FOXO3: variants seen among roughly 807,000 people sequenced by gnomAD.
FOXO3 encodes forkhead box O3.
FOXO3 carries 4 observed loss-of-function variants against 41.9 expected under a neutral mutation model. The ratio of observed to expected loss-of-function variants is 0.10; its 90% confidence interval spans 0.05 to 0.22. The LOEUF is 0.22. Ranked by LOEUF, FOXO3 falls within the 10% of genes least tolerant of loss-of-function variation. The pLI is 1.00. For synonymous variants in FOXO3, 318 were observed against 389.3 expected (o/e 0.82, Z 2.16); for missense variants, 534 against 906.8 (o/e 0.59, Z 5.28).
chr6:108,651,493 C>T (rs774147002), intron 1 of FOXO3, among the ~76,000 whole-genome samples: 2 of 152,204 alleles, frequency 1.3e-5, no homozygotes, highest in African/African-American at 2.4e-5. Flanking sequence ...AAAAAGAAAT[C>T]AGTTGCTCTT....
intron 1 of FOXO3, among the ~76,000 whole-genome samples, chr6:108,640,903 C>T (rs564271474): frequency 1.3e-5 from 2 of 152,178 alleles, no homozygotes; most frequent in Admixed American, 1.3e-4. Context: ...GATTTGGAAA[C>T]TCAGTATTTC....
intron 1 of FOXO3, among the ~76,000 whole-genome samples, chr6:108,661,459 A>G (rs1399992123): frequency 6.6e-6 from 1 of 152,192 alleles, no homozygotes; most frequent in African/African-American, 2.4e-5. Flanking sequence ...GATGTGGAGC[A>G]TACAGATTCA....
At chr6:108,562,078 C>A (rs1258232927) in intron 1 of FOXO3, among the ~76,000 whole-genome samples, 1 of 151,954 alleles carries the variant, frequency 6.6e-6, no homozygotes, top group African/African-American at 2.4e-5. Flanking sequence ...GGGCAGGGGA[C>A]GCCGGCGAGG....
intron 1 of FOXO3, among the ~76,000 whole-genome samples, chr6:108,630,774 G>A (rs1777949019): frequency 6.6e-6 from 1 of 152,014 alleles, no homozygotes; most frequent in South Asian, 2.1e-4. Context: ...TTAAAAAAAA[G>A]CTTTTTAAGG....
At chr6:108,572,063 C>G (rs1189376825) in intron 1 of FOXO3, among the ~76,000 whole-genome samples, 1 of 152,186 alleles carries the variant, frequency 6.6e-6, no homozygotes, top group Non-Finnish European at 1.5e-5. Context: ...AAGGTGTGTC[C>G]TTCCCCCTAG....
chr6:108,616,156 G>GTTTTTTTTTT lies in FOXO3; in HGVS notation c.622-47282_622-47273dup, dbSNP rs35632295. 8.0e-4 allele frequency among the ~76,000 whole-genome samples: 44 copies of GTTTTTTTTTT among 55,158 alleles called. 1 individual carries two copies. Among genetic ancestry groups the GTTTTTTTTTT allele is most frequent in the Middle Eastern group, 0.015 (1 of 66 alleles). 36.2% of individuals were successfully genotyped at this position (55,158 alleles called of 152,430 possible). On this transcript the variant is annotated intron_variant, in intron 1 of 2. Transcript: ENST00000406360. ...GTATGTGCCATCACGCCCAACTAAG[G>GTTTTTTTTTT]TTTTTTTTTTTTTTTTTTTTTTTTT...
chr6:108,561,043 G>C lies in FOXO3; in HGVS notation c.-166G>C, dbSNP rs1450900970. The stretch of plus-strand genomic sequence containing the variant: ...CTCGCCGAGGACGGGGCTCCGGCCC[G>C]GGATAACCAACTCTCCTTCTCTCTT... On this transcript the variant is annotated 5_prime_UTR_variant, in exon 1 of 3. Transcript: ENST00000406360. 3.6e-6 allele frequency: 5 copies of C among 1,400,374 alleles called. No homozygotes were observed. Among genetic ancestry groups the C allele is most frequent in the African/African-American group, 3.0e-5 (2 of 65,662 alleles). The allele number at this position is 1,400,374 out of a possible 1,614,324, so 86.7% of individuals were successfully genotyped here.
At chr6:108,568,239 G>T (rs796602286) in intron 1 of FOXO3, among the ~76,000 whole-genome samples, 6 of 148,908 alleles carry the variant, frequency 4.0e-5, no homozygotes, top group African/African-American at 1.5e-4. Context: ...TTTAAAGCGT[G>T]TGTTCATACC....
At position 108,585,022 on chromosome 6, in the gene FOXO3, CTTTTTTTTTTTT is replaced by C. The variant is rs1159028928; in HGVS notation, c.621+23212_621+23223del. On this transcript the variant is annotated intron_variant, in intron 1 of 2. Coordinates refer to ENST00000406360, the MANE Select transcript of FOXO3 (RefSeq NM_001455.4). ...CACCAAGAATTGCTATCTCCAAAAT[CTTTTTTTTTTTT>C]TTTTTTTTTTTTTTTTTTGAGACAG... 1.1e-3 allele frequency among the ~76,000 whole-genome samples: 57 copies of C among 51,536 alleles called. 1 individual carries two copies. The South Asian group carries it at 0.026, about 24-fold the overall frequency. 33.8% of individuals were successfully genotyped at this position (51,536 alleles called of 152,430 possible).
At chr6:108,614,493 G>T (rs1042537892) in intron 1 of FOXO3, among the ~76,000 whole-genome samples, 5 of 152,022 alleles carry the variant, frequency 3.3e-5, no homozygotes, top group Non-Finnish European at 5.9e-5. Flanking sequence ...GGCAGTATTT[G>T]TTGTTGAAAT....
At chr6:108,668,199 G>A (rs1047612612) in intron 2 of FOXO3, among the ~76,000 whole-genome samples, 2 of 152,202 alleles carry the variant, frequency 1.3e-5, no homozygotes, top group South Asian at 2.1e-4. Context: ...AATCTGAGCC[G>A]CCTTGTGTTA....
rs1301152679 is a variant in FOXO3, at chr6:108,561,044, G to A, written c.-165G>A. On this transcript the variant is annotated 5_prime_UTR_variant, in exon 1 of 3. Transcript: ENST00000406360. ...TCGCCGAGGACGGGGCTCCGGCCCG[G>A]GATAACCAACTCTCCTTCTCTCTTC... The A allele has an allele frequency of 2.9e-6, 4 of 1,402,658 alleles. No individual in the cohort carries two copies. The highest frequency in any genetic ancestry group is 3.0e-5 in the African/African-American group (2 of 65,728). The allele number at this position is 1,402,658 out of a possible 1,614,324, so 86.9% of individuals were successfully genotyped here.
intron 1 of FOXO3, among the ~76,000 whole-genome samples, chr6:108,602,127 G>T (rs1777070930): frequency 6.6e-6 from 1 of 152,048 alleles, no homozygotes; most frequent in Admixed American, 6.5e-5. Flanking sequence ...TTTTTCTGCT[G>T]TTATAAATAT....
Position 108,651,178 on chromosome 6 carries a change from A to G in FOXO3, c.622-12277A>G, listed in dbSNP as rs556880795. ...TACTCTTTATTTCCGTACAGAAAAT[A>G]TACATCAATTGTTTTGTTTGCAGTA... On this transcript the variant is annotated intron_variant, in intron 1 of 2. Transcript: ENST00000406360. Among the ~76,000 whole-genome samples the G allele has an allele frequency of 2.0e-5, 3 of 152,360 alleles. No homozygotes were observed. In the East Asian group the frequency reaches 5.8e-4, roughly 29 times the overall value.
At chr6:108,568,876 A>G (rs954417619) in intron 1 of FOXO3, among the ~76,000 whole-genome samples, 1 of 152,226 alleles carries the variant, frequency 6.6e-6, no homozygotes, top group Non-Finnish European at 1.5e-5. Context: ...ATAAGTGTCC[A>G]TCACTACTTA....
intron 1 of FOXO3, among the ~76,000 whole-genome samples, chr6:108,576,592 A>G (rs1342978932): frequency 6.6e-6 from 1 of 152,198 alleles, no homozygotes; most frequent in African/African-American, 2.4e-5. Flanking sequence ...AAAAATTACA[A>G]TTCTCATTTT....
At chr6:108,589,744 A>C (rs953759873) in intron 1 of FOXO3, among the ~76,000 whole-genome samples, 6 of 152,176 alleles carry the variant, frequency 3.9e-5, no homozygotes, top group African/African-American at 1.4e-4. Context: ...TCAGATCCTT[A>C]TGGGAAATTT....
At chr6:108,661,077 T>C (rs1295036090) in intron 1 of FOXO3, among the ~76,000 whole-genome samples, 5 of 150,108 alleles carry the variant, frequency 3.3e-5, no homozygotes, top group Non-Finnish European at 7.4e-5. Context: ...AAAAAGAAAA[T>C]ACGAAAATAC....
At chr6:108,640,742 T>C (rs1778235792) in intron 1 of FOXO3, among the ~76,000 whole-genome samples, 1 of 152,186 alleles carries the variant, frequency 6.6e-6, no homozygotes, top group Admixed American at 6.5e-5. Context: ...CTTCTGGGCA[T>C]CCTGACTTTG....
Sources: allele counts gnomAD v4.1 joint callset (sites outside exome capture counted in the v4.1 genomes callset), GRCh38; gene constraint gnomAD v4.1.1; transcripts MANE v1.5; gene names NCBI Gene and HGNC (gene_info 2026-07-23, HGNC 2026-07-21).